Variants in EPHA3 observed in about 807,000 individuals in gnomAD.
EPHA3 encodes ephrin type-A receptor 3.
In EPHA3, 42 loss-of-function variants were observed where a neutral mutation model predicts 107.1. That is an observed-to-expected ratio of 0.39 (90% CI 0.31 to 0.51). EPHA3 has a LOEUF of 0.51. Among genes scored for constraint, EPHA3 ranks in the 20% least tolerant of loss-of-function variants. The probability of loss-of-function intolerance (pLI) is 0.78; values close to 1 mark genes in which losing one functional copy is unlikely to be tolerated. For missense variants in EPHA3, 1,183 were observed against 1,211.2 expected (o/e 0.98, Z 0.35); for synonymous variants, 461 against 424.8 (o/e 1.09, Z -1.05).
At chr3:89,136,329 G>GTTTTTTTTT (rs1559747476) in intron 2 of EPHA3, among the ~76,000 whole-genome samples, 6 of 23,866 alleles carry the variant, frequency 2.5e-4, no homozygotes, top group African/African-American at 7.4e-4. Context: ...AATCTTACAG[G>GTTTTTTTTT]CTTTTTTTTT....
chr3:89,204,171 T>C (rs1706043797), intron 2 of EPHA3, among the ~76,000 whole-genome samples: 1 of 152,200 alleles, frequency 6.6e-6, no homozygotes, highest in African/African-American at 2.4e-5. Flanking sequence ...CATTTGTCTT[T>C]GTTTCCCAGA....
chr3:89,287,787 A>G (rs1706123509), intron 3 of EPHA3, among the ~76,000 whole-genome samples: 1 of 152,124 alleles, frequency 6.6e-6, no homozygotes, highest in Non-Finnish European at 1.5e-5. Context: ...ACACAAGTAG[A>G]TATTGACCCA....
chr3:89,242,129 A>G (rs756319768), intron 3 of EPHA3, among the ~76,000 whole-genome samples: 6 of 152,240 alleles, frequency 3.9e-5, no homozygotes, highest in African/African-American at 1.4e-4. Context: ...ATCCAACTCA[A>G]AATCTAAAGA....
At chr3:89,194,195 T>C (rs1705784180) in intron 2 of EPHA3, among the ~76,000 whole-genome samples, 1 of 151,976 alleles carries the variant, frequency 6.6e-6, no homozygotes, top group Admixed American at 6.6e-5. Context: ...CTCTTTATAG[T>C]ACATGGATTG....
At chr3:89,319,716 A>G (rs771508229) in intron 3 of EPHA3, among the ~76,000 whole-genome samples, 12 of 151,980 alleles carry the variant, frequency 7.9e-5, no homozygotes, top group Admixed American at 2.6e-4. Flanking sequence ...TGGGGGCCTC[A>G]GATGACCTAA....
At chr3:89,177,355 G>A (rs1427455232) in intron 2 of EPHA3, among the ~76,000 whole-genome samples, 7 of 152,222 alleles carry the variant, frequency 4.6e-5, no homozygotes, top group African/African-American at 9.6e-5. Flanking sequence ...CATCCAGAGC[G>A]ACCACAAGTC....
rs56717904 is a variant in EPHA3 at position 89,357,106 on chromosome 3, C to CAAA, written c.1306+15044_1306+15046dup. ...CTGGTGAAAGAGTGAGACCCTGTCT[C>CAAA]AAAAAAAAAAAAAAAAAAAAAAAAA... On this transcript the variant is annotated intron_variant, in intron 5 of 16. Transcript: ENST00000336596. Among the ~76,000 whole-genome samples, 99 of 16,004 alleles carry CAAA rather than the reference C, an allele frequency of 6.2e-3. 25 individuals are homozygous for CAAA. Among genetic ancestry groups the CAAA allele is most frequent in the East Asian group, 0.015 (6 of 398 alleles). 10.5% of individuals were successfully genotyped at this position (16,004 alleles called of 152,430 possible). A position where few individuals can be genotyped will look rare whatever the true frequency, so the allele number is the denominator to read the frequency against.
At chr3:89,399,506 G>C (rs1341720228) in intron 7 of EPHA3, 26 bp downstream of exon 7, 2 of 1,610,718 alleles carry the variant, frequency 1.2e-6, no homozygotes, top group South Asian at 2.2e-5. Context: ...ATGCAGTCTA[G>C]AGGAGGGGGC....
chr3:89,295,238 A>G (rs747297181), intron 3 of EPHA3, among the ~76,000 whole-genome samples: 1 of 152,210 alleles, frequency 6.6e-6, no homozygotes, highest in African/African-American at 2.4e-5. Flanking sequence ...AAAACAGTGT[A>G]CATACCTTAG....
At chr3:89,450,884 C>A (rs1371290726) in intron 15 of EPHA3, among the ~76,000 whole-genome samples, 2 of 152,062 alleles carry the variant, frequency 1.3e-5, no homozygotes, top group African/African-American at 4.8e-5. Flanking sequence ...CCAGCCTGGT[C>A]AACAGAGCGA....
intron 2 of EPHA3, among the ~76,000 whole-genome samples, chr3:89,186,434 C>A (rs1354457954): frequency 6.6e-6 from 1 of 151,816 alleles, no homozygotes; most frequent in African/African-American, 2.4e-5. Context: ...ACCTTTTTTT[C>A]TTTAATTCTT....
intron 5 of EPHA3, among the ~76,000 whole-genome samples, chr3:89,391,382 T>TTTTTCTTTTCTTTTCTTTTC (rs58910915): frequency 3.6e-5 from 5 of 138,426 alleles, no homozygotes; most frequent in Non-Finnish European, 4.5e-5. Context: ...TATTTGTATT[T>TTTTTCTTTTCTTTTCTTTTC]TTTTCTTTTC....
At chr3:89,358,224 G>A (rs1306487931) in intron 5 of EPHA3, among the ~76,000 whole-genome samples, 1 of 150,962 alleles carries the variant, frequency 6.6e-6, no homozygotes, top group Non-Finnish European at 1.5e-5. Context: ...GCTACATTGA[G>A]ATATTGTGAA....
intron 2 of EPHA3, among the ~76,000 whole-genome samples, chr3:89,156,075 T>G (rs974212964): frequency 2.0e-5 from 3 of 152,086 alleles, no homozygotes; most frequent in African/African-American, 7.2e-5. Flanking sequence ...CTGGAGGCCG[T>G]TGGGAAGAAG....
At chr3:89,341,211 C>G in intron 4 of EPHA3, 140 bp downstream of exon 4, 1 of 854,176 alleles carries the variant, frequency 1.2e-6, no homozygotes, top group Non-Finnish European at 1.8e-6. Context: ...CTCTGCTTCA[C>G]TCCCCATGCT....
At chr3:89,265,293 TG>T (rs1369568702) in intron 3 of EPHA3, among the ~76,000 whole-genome samples, 1 of 152,086 alleles carries the variant, frequency 6.6e-6, no homozygotes, top group Admixed American at 6.6e-5. Context: ...TCAAGAAAAA[TG>T]GGGAATCCCT....
intron 3 of EPHA3, among the ~76,000 whole-genome samples, chr3:89,281,936 CA>C (rs1705958906): frequency 6.6e-6 from 1 of 152,160 alleles, no homozygotes; most frequent in African/African-American, 2.4e-5. Flanking sequence ...CTATTTTTAA[CA>C]GTGTCTAGTT....
At chr3:89,225,133 G>A (rs1169597770) in intron 3 of EPHA3, among the ~76,000 whole-genome samples, 1 of 152,054 alleles carries the variant, frequency 6.6e-6, no homozygotes, top group African/African-American at 2.4e-5. Context: ...ATCTAAAGAC[G>A]TGAAGGTAGT....
chr3:89,202,490 T>C (rs1276228097), intron 2 of EPHA3, among the ~76,000 whole-genome samples: 1 of 140,200 alleles, frequency 7.1e-6, no homozygotes, highest in Non-Finnish European at 1.5e-5. Flanking sequence ...CACTCCAACC[T>C]GGATGACTGA....
Sources: allele counts gnomAD v4.1 joint callset (sites outside exome capture counted in the v4.1 genomes callset), GRCh38; gene constraint gnomAD v4.1.1; transcripts MANE v1.5; gene names NCBI Gene and HGNC (gene_info 2026-07-23, HGNC 2026-07-21).